PRICKLE3: variants seen among roughly 807,000 people sequenced by gnomAD.
PRICKLE3 encodes prickle planar cell polarity protein 3, also known as LIM domain only protein 6.
A neutral mutation model predicts 33.8 loss-of-function variants in PRICKLE3; 17 were observed. The observed-to-expected ratio is 0.50, with a 90% CI of 0.34 to 0.75. PRICKLE3 has a LOEUF of 0.75. PRICKLE3 is among the 30% of genes least tolerant of loss of function. PRICKLE3 has a pLI of 0.01. For missense variants in PRICKLE3, 573 were observed against 576.7 expected (o/e 0.99, Z 0.07); for synonymous variants, 211 against 219.6 (o/e 0.96, Z 0.34).
intron 1 of PRICKLE3, 146 bp downstream of exon 1, chrX:49,186,110 A>G: frequency 1.4e-6 from 1 of 723,266 alleles, no homozygotes; most frequent in South Asian, 2.8e-5. Context: ...ATTCGCCTCC[A>G]GCAGCCCCAG....
intron 3 of PRICKLE3, among the ~76,000 whole-genome samples, chrX:49,180,892 A>T (rs1425534847): frequency 9.0e-6 from 1 of 111,496 alleles, no homozygotes; most frequent in Non-Finnish European, 1.9e-5. Flanking sequence ...GTTCCAGGCA[A>T]TGTGGCTATT....
Position 49,177,196 on chromosome X carries a change from T to G in PRICKLE3, c.962A>C (p.Asp321Ala). 3.4e-6 allele frequency: 4 copies of G among 1,163,502 alleles called. No individual in the cohort carries two copies. Among genetic ancestry groups the G allele is most frequent in the Non-Finnish European group, 4.6e-6 (4 of 875,591 alleles). Residue 321 changes from aspartate (D) to alanine (A), a missense_variant, in exon 8 of 9, where the codon GAC becomes GCC. Physicochemically the swap from Asp to Ala is moderately radical, Grantham distance 126. Coordinates refer to ENST00000599218, the MANE Select transcript of PRICKLE3 (RefSeq NM_006150.5). Reference sequence around the variant, plus strand: ...GCCCTCGTAAGCCATCTGGCCTTGGTCCAGGCCTGTGGGGAACGACGAGGG... The same window carrying G: ...GCCCTCGTAAGCCATCTGGCCTTGGGCCAGGCCTGTGGGGAACGACGAGGG... Reference protein sequence around the residue: ...CDGCGEHIGLDQGQMAYEGQH... With the variant: ...CDGCGEHIGLAQGQMAYEGQH...
intron 1 of PRICKLE3, chrX:49,185,020 C>A: frequency 1.7e-6 from 1 of 600,072 alleles, no homozygotes; most frequent in Non-Finnish European, 2.4e-6. Context: ...TTAGATCCTT[C>A]CAGGGCTCAA....
rs781960788 is a variant in PRICKLE3, at chrX:49,175,707, C to T, written c.1814G>A (p.Arg605His). 6 of 1,211,193 alleles carry T rather than the reference C, an allele frequency of 5.0e-6. No homozygotes were observed. Among genetic ancestry groups the T allele is most frequent in the Admixed American group, 4.3e-5 (2 of 46,004 alleles). ...LPRDSRAGMP[R>H]QARDKNCIVA ...GATGCAGTTCTTGTCTCGGGCCTGA[C>T]GAGGCATCCCTGCGCGAGAGTCCCT... The change falls in exon 9 of 9, where the codon CGT becomes CAT. Residue 605 changes from arginine (R) to histidine (H), a missense_variant. Arg to His is a conservative substitution (Grantham distance 29). Coordinates refer to ENST00000599218, the MANE Select transcript of PRICKLE3 (RefSeq NM_006150.5).
chrX:49,186,273 G>C lies in PRICKLE3; in HGVS notation c.25C>G (p.Arg9Gly). The C allele has an allele frequency of 8.7e-7, 1 of 1,153,918 alleles. No individual in the cohort carries two copies. The change falls in exon 1 of 9, where the codon CGC becomes GGC. Residue 9 changes from arginine to glycine, a missense_variant. Coordinates refer to ENST00000599218, the MANE Select transcript of PRICKLE3 (RefSeq NM_006150.5). Reference protein sequence around the residue: MFARGSRRRRSGRAPPEAE... With the variant: MFARGSRRGRSGRAPPEAE... ...CCGCTCACCGCACGCCCGGAGCGGC[G>C]CCTCCGGGACCCACGCGCGAACATG...
intron 2 of PRICKLE3, 28 bp downstream of exon 2, chrX:49,184,597 G>A (rs1184545438): frequency 1.8e-6 from 2 of 1,082,925 alleles, no homozygotes; most frequent in East Asian, 3.5e-5. Context: ...CTCTGACAAA[G>A]GCGAGGCCCT....
In PRICKLE3 at chrX:49,178,320, C is replaced by A; in HGVS notation, c.720G>T (p.Gly240=). 2 of 1,204,644 alleles carry A rather than the reference C, an allele frequency of 1.7e-6. No homozygotes were observed. Among genetic ancestry groups the A allele is most frequent in the Non-Finnish European group, 2.2e-6 (2 of 891,804 alleles). ...YFYHVGKVYC[G]RHHAECLRPR... ...GACGCAGGCATTCGGCATGGTGACG[C>A]CCGCAGTAGACCTTGCCAACATGGT... The change falls in exon 6 of 9, where the codon GGG becomes GGT. Residue 240 remains glycine, a synonymous_variant. Transcript: ENST00000599218.
At chrX:49,183,938 GT>G in intron 2 of PRICKLE3, 21 bp from the exon 3 acceptor site, 1 of 1,195,040 alleles carries the variant, frequency 8.4e-7, no homozygotes, top group South Asian at 1.8e-5. Context: ...CGGGATGGGG[GT>G]CAATTACTAA....
At chrX:49,181,613 A>ATACGTATATGTACG (rs1557101169) in intron 3 of PRICKLE3, among the ~76,000 whole-genome samples, 2 of 3,214 alleles carry the variant, frequency 6.2e-4, no homozygotes, top group African/African-American at 8.1e-4. Context: ...GTATATATAT[A>ATACGTATATGTACG]TGTGTATATA....
At position 49,184,677 on chromosome X, in the gene PRICKLE3, G is replaced by T; in HGVS notation, c.76C>A (p.Pro26Thr). Residue 26 changes from proline to threonine, a missense_variant, in exon 2 of 9, where the codon CCC (proline) becomes ACC (threonine). Physicochemically the swap from Pro to Thr is conservative, Grantham distance 38. Transcript: ENST00000599218. ...PEAEDPDRGQ[P>T]CNSCREQCPG... ...CACTGCTCCCTACAGGAGTTGCAGGGCTGGCCCCGGTCTGGGTCCTCTGCC... is the reference window on the plus strand; with the variant it reads ...CACTGCTCCCTACAGGAGTTGCAGGTCTGGCCCCGGTCTGGGTCCTCTGCC... 8.7e-7 allele frequency: 1 copy of T among 1,154,569 alleles called. No individual in the cohort carries two copies. The highest frequency in any genetic ancestry group is 1.2e-6 in the Non-Finnish European group (1 of 865,600).
chrX:49,179,414 C>T lies in PRICKLE3; in HGVS notation c.427-26G>A, dbSNP rs373705402. ...CTGGGAGGAGAAGGCATCTCCCAGGCTCCTCCCTTGATGCCTGTCCCTGCC... is the reference window on the plus strand; with the variant it reads ...CTGGGAGGAGAAGGCATCTCCCAGGTTCCTCCCTTGATGCCTGTCCCTGCC... On this transcript the variant is annotated intron_variant, in intron 4 of 8. Coordinates refer to ENST00000599218, the MANE Select transcript of PRICKLE3 (RefSeq NM_006150.5). 3.6e-5 allele frequency: 43 copies of T among 1,201,630 alleles called. 1 individual carries two copies. In the African/African-American group the frequency reaches 5.8e-4, roughly 16 times the overall value.
At chrX:49,183,310 C>T (rs2065466265) in intron 3 of PRICKLE3, among the ~76,000 whole-genome samples, 1 of 111,034 alleles carries the variant, frequency 9.0e-6, no homozygotes, top group African/African-American at 3.3e-5. Flanking sequence ...CTTGTAATCC[C>T]AGCACTTTGG....
intron 3 of PRICKLE3, 154 bp from the exon 4 acceptor site, chrX:49,179,960 T>TCAGCTCC (rs2065440304): frequency 2.8e-6 from 1 of 356,803 alleles, no homozygotes; most frequent in Admixed American, 5.2e-5. Flanking sequence ...ATCATTTCCC[T>TCAGCTCC]CAGCTCCCAG....
intron 3 of PRICKLE3, among the ~76,000 whole-genome samples, chrX:49,182,590 A>T (rs782256831): frequency 8.9e-6 from 1 of 112,325 alleles, no homozygotes; most frequent in South Asian, 3.7e-4. Flanking sequence ...GTAACCTTAG[A>T]TGTCTGCATG....
intron 7 of PRICKLE3, 64 bp downstream of exon 7, chrX:49,177,929 T>G: frequency 9.2e-7 from 1 of 1,085,635 alleles, no homozygotes; most frequent in Non-Finnish European, 1.2e-6. Flanking sequence ...GGAGTCCTGG[T>G]GGGGTAGGAC....
chrX:49,178,152 C>A lies in PRICKLE3; in HGVS notation c.796G>T (p.Ala266Ser), dbSNP rs782435506. 5.9e-6 allele frequency: 7 copies of A among 1,180,990 alleles called. No homozygotes were observed. Among genetic ancestry groups the A allele is most frequent in the Non-Finnish European group, 8.0e-6 (7 of 877,771 alleles). Residue 266 changes from alanine to serine, a missense_variant, in exon 7 of 9, where the codon GCT (alanine) becomes TCT (serine). Coordinates refer to ENST00000599218, the MANE Select transcript of PRICKLE3 (RefSeq NM_006150.5). ...EIIFSPECTEAEGRHWHMDHF... is the reference protein window; with the variant it reads ...EIIFSPECTESEGRHWHMDHF... ...TCCATGTGCCAGTGGCGGCCCTCAG[C>A]CTCCGTGCACTCAGGGGAGAAGATG...
In PRICKLE3 at chrX:49,176,383, G is replaced by A. The variant is rs781842504; in HGVS notation, c.1256-118C>T. On this transcript the variant is annotated intron_variant, in intron 8 of 8. Transcript: ENST00000599218. ...CTAAGACTGGGAAAGTGGGGGCAGG[G>A]GTCGGAGAATGGCAGGGAGGTGGGA... The A allele has an allele frequency of 3.1e-5, 17 of 541,448 alleles. No individual in the cohort carries two copies. In the African/African-American group the frequency reaches 3.6e-4, roughly 11 times the overall value. 44.6% of individuals were successfully genotyped at this position (541,448 alleles called of 1,213,427 possible). A position where few individuals can be genotyped will look rare whatever the true frequency, so the allele number is the denominator to read the frequency against.
At chrX:49,179,880 C>T (rs915768790) in intron 3 of PRICKLE3, 74 bp from the exon 4 acceptor site, 1 of 558,266 alleles carries the variant, frequency 1.8e-6, no homozygotes, top group East Asian at 3.7e-5. Context: ...TGGCGGGTCC[C>T]CATTTCTCAG....
intron 7 of PRICKLE3, 84 bp downstream of exon 7, chrX:49,177,909 G>C: frequency 3.9e-6 from 4 of 1,025,694 alleles, no homozygotes; most frequent in Non-Finnish European, 5.2e-6. Flanking sequence ...ATGGGGCCTG[G>C]AGGACAGGAG....
Sources: gnomAD v4.1 joint callset for allele counts (sites outside exome capture counted in the v4.1 genomes callset) on GRCh38, gnomAD v4.1.1 for gene constraint, MANE v1.5 for transcripts, NCBI Gene and HGNC (gene_info 2026-07-23, HGNC 2026-07-21) for gene names.